The following PRKCA variants were observed in gnomAD, a reference collection of about 807,000 sequenced individuals.
The protein encoded by PRKCA is protein kinase C alpha.
A neutral mutation model predicts 87.0 loss-of-function variants in PRKCA; 27 were observed. The ratio of observed to expected loss-of-function variants is 0.31; its 90% CI spans 0.23 to 0.43. The LOEUF (loss-of-function observed/expected upper bound fraction) is 0.43. Among genes scored for constraint, PRKCA ranks in the 20% least tolerant of loss-of-function variants. The probability of loss-of-function intolerance (pLI) is 1.00; values close to 1 mark genes in which losing one functional copy is unlikely to be tolerated. For missense variants in PRKCA, 518 were observed against 852.3 expected, an observed-to-expected ratio of 0.61 and a Z score of 4.88; for synonymous variants, 329 against 311.1, an observed-to-expected ratio of 1.06 and a Z score of -0.61.
chr17:66,376,277 C>T (rs1164689712), intron 2 of PRKCA, among the ~76,000 whole-genome samples: 3 of 152,048 alleles, frequency 2.0e-5, no homozygotes, highest in East Asian at 1.9e-4. Flanking sequence ...CTGCTATGGG[C>T]GAGGCTGGCA....
intron 14 of PRKCA, among the ~76,000 whole-genome samples, chr17:66,786,210 G>A (rs896382854): frequency 6.6e-6 from 1 of 152,196 alleles, no homozygotes; most frequent in Admixed American, 6.5e-5. Context: ...TTCTGGTCCA[G>A]ATCCACCTGA....
At chr17:66,467,014 C>T (rs1257744505) in intron 2 of PRKCA, among the ~76,000 whole-genome samples, 1 of 152,088 alleles carries the variant, frequency 6.6e-6, no homozygotes. Flanking sequence ...TCAAACTGAA[C>T]CTACTATGAA....
intron 2 of PRKCA, among the ~76,000 whole-genome samples, chr17:66,349,183 A>G (rs1331486407): frequency 6.6e-6 from 1 of 152,208 alleles, no homozygotes; most frequent in East Asian, 1.9e-4. Context: ...ACAGTCATCT[A>G]ATAAAATATT....
chr17:66,350,935 G>T (rs1311648611), intron 2 of PRKCA, among the ~76,000 whole-genome samples: 2 of 152,220 alleles, frequency 1.3e-5, no homozygotes, highest in African/African-American at 2.4e-5. Flanking sequence ...TCAATGTGTG[G>T]AACTCGCAGC....
chr17:66,403,397 T>C (rs1911153699), intron 2 of PRKCA, among the ~76,000 whole-genome samples: 3 of 152,198 alleles, frequency 2.0e-5, no homozygotes, highest in African/African-American at 7.2e-5. Context: ...AGCTCTGTAA[T>C]GTTTAGGAGG....
intron 2 of PRKCA, among the ~76,000 whole-genome samples, chr17:66,359,708 A>G (rs137968117): frequency 5.0e-4 from 76 of 152,358 alleles, no homozygotes; most frequent in African/African-American, 1.7e-3. Flanking sequence ...TCAAATATTA[A>G]TAAGTTTATT....
intron 5 of PRKCA, among the ~76,000 whole-genome samples, chr17:66,681,184 G>A (rs1330971791): frequency 6.6e-6 from 1 of 152,146 alleles, no homozygotes; most frequent in Non-Finnish European, 1.5e-5. Context: ...AGCCAAGATT[G>A]CGCCACTGCA....
At chr17:66,746,471 T>C (rs1974288912) in intron 13 of PRKCA, among the ~76,000 whole-genome samples, 2 of 152,102 alleles carry the variant, frequency 1.3e-5, no homozygotes, top group Admixed American at 6.6e-5. Flanking sequence ...GTGTGGAAAA[T>C]TCAAAATGTG....
At chr17:66,396,895 A>G (rs1351701372) in intron 2 of PRKCA, among the ~76,000 whole-genome samples, 2 of 147,440 alleles carry the variant, frequency 1.4e-5, no homozygotes, top group Middle Eastern at 3.7e-3. Flanking sequence ...ACATATTTAT[A>G]TGAATATCTA....
At chr17:66,501,933 C>G (rs1916751226) in intron 3 of PRKCA, among the ~76,000 whole-genome samples, 1 of 152,164 alleles carries the variant, frequency 6.6e-6, no homozygotes, top group Admixed American at 6.5e-5. Flanking sequence ...GTGGGCTGCT[C>G]TGGCCATGAT....
At chr17:66,628,621 C>T (rs1014020328) in intron 3 of PRKCA, among the ~76,000 whole-genome samples, 3 of 152,128 alleles carry the variant, frequency 2.0e-5, no homozygotes, top group Non-Finnish European at 4.4e-5. Flanking sequence ...TAAAAGAACA[C>T]GTGACCTAAA....
chr17:66,352,558 GTTT>G (rs56317931), intron 2 of PRKCA, among the ~76,000 whole-genome samples: 1 of 83,756 alleles, frequency 1.2e-5, no homozygotes, highest in Admixed American at 1.9e-4. Flanking sequence ...GTTTTTTGAG[GTTT>G]TTTTTTTTTT....
intron 5 of PRKCA, among the ~76,000 whole-genome samples, chr17:66,668,822 G>A (rs1972103022): frequency 6.6e-6 from 1 of 152,204 alleles, no homozygotes; most frequent in Admixed American, 6.5e-5. Flanking sequence ...GGTGCAGGAG[G>A]CTGGGCACAG....
At chr17:66,381,731 A>G (rs1598627876) in intron 2 of PRKCA, among the ~76,000 whole-genome samples, 1 of 152,320 alleles carries the variant, frequency 6.6e-6, no homozygotes, top group East Asian at 1.9e-4. Flanking sequence ...TTTCAATTTT[A>G]CTGCCCTGCT....
chr17:66,566,463 A>C, intron 3 of PRKCA, among the ~76,000 whole-genome samples: 1 of 146,274 alleles, frequency 6.8e-6, no homozygotes, highest in African/African-American at 2.5e-5. Context: ...ATTGTGAAGA[A>C]CTGTTGTTGT....
chr17:66,801,637 T>A (rs1378035448), intron 16 of PRKCA, among the ~76,000 whole-genome samples: 1 of 152,258 alleles, frequency 6.6e-6, no homozygotes, highest in Admixed American at 6.5e-5. Context: ...AATTGCAGAT[T>A]CTGCCTCTGC....
intron 3 of PRKCA, among the ~76,000 whole-genome samples, chr17:66,622,454 A>T (rs1397737551): frequency 6.6e-6 from 1 of 152,262 alleles, no homozygotes; most frequent in Non-Finnish European, 1.5e-5. Flanking sequence ...TGCAGTGACC[A>T]TATAACAAAG....
intron 3 of PRKCA, among the ~76,000 whole-genome samples, chr17:66,587,773 ATGTG>A (rs56964662): frequency 2.6e-5 from 2 of 76,104 alleles, no homozygotes; most frequent in African/African-American, 1.0e-4. Flanking sequence ...ATATACGTAT[ATGTG>A]TGTATATGTA....
chr17:66,554,649 C>A, intron 3 of PRKCA: 1 of 615,660 alleles, frequency 1.6e-6, no homozygotes, highest in Non-Finnish European at 2.0e-6. Context: ...TAAATTAAAT[C>A]TATGGATGTG....
Sources: allele counts gnomAD v4.1 joint callset (sites outside exome capture counted in the v4.1 genomes callset), GRCh38; gene constraint gnomAD v4.1.1; transcripts MANE v1.5; gene names NCBI Gene and HGNC (gene_info 2026-07-23, HGNC 2026-07-21).